Variants in SDC4 observed in about 807,000 individuals in gnomAD.
SDC4 encodes syndecan-4.
Under a neutral mutation model 20.5 loss-of-function variants are expected in SDC4, and 17 were observed. The ratio of observed to expected loss-of-function variants is 0.83; its 90% CI spans 0.57 to 1.25. SDC4 has a LOEUF of 1.25. Ranked by LOEUF, SDC4 falls within the 50% of genes most tolerant of loss-of-function variation. The pLI is 0.00. For missense variants in SDC4, 241 were observed against 252.3 expected (o/e 0.96, Z 0.30); for synonymous variants, 107 against 105.3 (o/e 1.02, Z -0.10).
intron 1 of SDC4, among the ~76,000 whole-genome samples, chr20:45,344,710 G>A (rs575227809): frequency 1.3e-5 from 2 of 152,240 alleles, no homozygotes; most frequent in South Asian, 4.1e-4. Flanking sequence ...TCTGAGACTG[G>A]GATTTGTTTA....
intron 1 of SDC4, among the ~76,000 whole-genome samples, chr20:45,346,286 C>T (rs570461106): frequency 1.3e-5 from 2 of 152,174 alleles, no homozygotes; most frequent in Admixed American, 1.3e-4. Context: ...AAGGGGAAGC[C>T]CTGTGCCCCA....
At chr20:45,347,231 C>T (rs6104124) in intron 1 of SDC4, among the ~76,000 whole-genome samples, 47,725 of 152,016 alleles carry the variant, frequency 0.31, 8,251 homozygotes, top group East Asian at 0.42. Flanking sequence ...TTCAGAGGAA[C>T]AGGAGCCCCA....
At chr20:45,337,779 T>A (rs1285041720) in intron 1 of SDC4, among the ~76,000 whole-genome samples, 3 of 152,186 alleles carry the variant, frequency 2.0e-5, no homozygotes, top group African/African-American at 7.2e-5. Flanking sequence ...GAATGCTGGA[T>A]TCCCGGAAGG....
intron 2 of SDC4, among the ~76,000 whole-genome samples, chr20:45,333,331 T>C (rs6065805): frequency 0.75 from 114,547 of 152,184 alleles, 43,249 homozygotes; most frequent in East Asian, 0.95. Flanking sequence ...CTGCAAAGTG[T>C]GGATCCAAAA....
chr20:45,327,353 A>T lies in SDC4; in HGVS notation c.508T>A (p.Tyr170Asn). Residue 170 changes from tyrosine (Y) to asparagine (N), a missense_variant, in exon 5 of 5, where the codon TAC (tyrosine) becomes AAC (asparagine). Transcript: ENST00000372733. ...FAVFLILLLM[Y>N]RMKKKDEGSY... ...CCTTCATCCTTCTTCTTCATACGGT[A>T]CATGAGCAGTAGGATCAGGAAGACG... 1 of 1,614,140 alleles carries T rather than the reference A, an allele frequency of 6.2e-7. No homozygotes were observed. The highest frequency in any genetic ancestry group is 2.2e-5 in the East Asian group (1 of 44,878).
chr20:45,343,462 C>G (rs1369061847), intron 1 of SDC4, among the ~76,000 whole-genome samples: 1 of 152,164 alleles, frequency 6.6e-6, no homozygotes, highest in African/African-American at 2.4e-5. Context: ...CTTGGCAAAC[C>G]CCCTGCCCCC....
chr20:45,331,169 C>A (rs1040421771), intron 3 of SDC4, among the ~76,000 whole-genome samples: 1 of 152,058 alleles, frequency 6.6e-6, no homozygotes, highest in Non-Finnish European at 1.5e-5. Context: ...AGGAGACTCC[C>A]GAATCAAAGG....
intron 1 of SDC4, among the ~76,000 whole-genome samples, chr20:45,338,551 G>A (rs1987908050): frequency 6.6e-6 from 1 of 152,208 alleles, no homozygotes; most frequent in South Asian, 2.1e-4. Flanking sequence ...CTCTCTTTCA[G>A]TATGTGAAAG....
At chr20:45,342,592 G>A (rs1362965673) in intron 1 of SDC4, among the ~76,000 whole-genome samples, 29 of 152,172 alleles carry the variant, frequency 1.9e-4, no homozygotes, top group African/African-American at 6.5e-4. Flanking sequence ...TGGAGGACAG[G>A]GGGAGGGGTG....
Position 45,346,211 on chromosome 20 carries a change from G to A in SDC4, c.60+2114C>T, listed in dbSNP as rs371414792. On this transcript the variant is annotated intron_variant, in intron 1 of 4. Transcript: ENST00000372733. ...ACACGCTGGATCATCTCTTCAGTCC[G>A]AGCCAACCGTGACTATGTCTGATTT... Among the ~76,000 whole-genome samples the A allele has an allele frequency of 2.9e-4, 44 of 152,252 alleles. 1 individual carries two copies. Among genetic ancestry groups the A allele is most frequent in the African/African-American group, 9.6e-4 (40 of 41,524 alleles).
At chr20:45,337,658 A>G (rs1021588264) in intron 1 of SDC4, among the ~76,000 whole-genome samples, 1 of 152,196 alleles carries the variant, frequency 6.6e-6, no homozygotes, top group African/African-American at 2.4e-5. Flanking sequence ...ATTGCAGGAG[A>G]GGCCCAGGAA....
chr20:45,328,442 A>G (rs2743368), intron 4 of SDC4, among the ~76,000 whole-genome samples: 2 of 152,196 alleles, frequency 1.3e-5, no homozygotes, highest in Non-Finnish European at 2.9e-5. Flanking sequence ...CATTAACTGT[A>G]AGGGTTTAAG....
rs368319870 is a variant in SDC4, at chr20:45,334,677, C to T, written c.199+1105G>A. On this transcript the variant is annotated intron_variant, in intron 2 of 4. Transcript: ENST00000372733. ...CTAATTTTTGTATTTTTAGTAGAGA[C>T]GGGGTTTCACCATGTTGGCCAGGCT... Among the ~76,000 whole-genome samples the T allele has an allele frequency of 3.3e-3, 501 of 151,868 alleles. 3 individuals are homozygous for T. The highest frequency in any genetic ancestry group is 6.2e-3 in the Non-Finnish European group (420 of 67,964).
intron 1 of SDC4, chr20:45,345,875 G>C (rs1988024509): frequency 6.6e-6 from 1 of 152,208 alleles, no homozygotes; most frequent in African/African-American, 2.4e-5. Context: ...TGGGTACTGA[G>C]CCTGGGTTCC....
intron 4 of SDC4, among the ~76,000 whole-genome samples, chr20:45,327,632 G>A (rs183618871): frequency 2.7e-4 from 41 of 152,320 alleles, no homozygotes; most frequent in African/African-American, 9.4e-4. Context: ...AGACCACAGG[G>A]CTAGTGGTAA....
intron 4 of SDC4, among the ~76,000 whole-genome samples, chr20:45,328,999 GT>G: frequency 6.6e-6 from 1 of 152,172 alleles, no homozygotes; most frequent in African/African-American, 2.4e-5. Flanking sequence ...GCTGACTGTG[GT>G]CCTCAGTCCA....
At position 45,327,556 on chromosome 20, in the gene SDC4, C is replaced by T. The variant is rs555360060; in HGVS notation, c.446-141G>A. ...ACTGCCTGTGCCAGGCAAGCTGATG[C>T]CTTATTTAAGTTGACCTCATGACCC... is the stretch of plus-strand genomic sequence containing the variant. On this transcript the variant is annotated intron_variant, in intron 4 of 4. Transcript: ENST00000372733. 233 of 941,296 alleles carry T rather than the reference C, an allele frequency of 2.5e-4. 1 individual carries two copies. In the South Asian group the frequency reaches 2.7e-3, roughly 11 times the overall value. The allele number at this position is 941,296 out of a possible 1,614,324, so 58.3% of individuals were successfully genotyped here.
chr20:45,345,637 T>C (rs979588434), intron 1 of SDC4: 3 of 152,232 alleles, frequency 2.0e-5, no homozygotes, highest in Admixed American at 2.0e-4. Flanking sequence ...GTACACTTGA[T>C]AGGTGATAGG....
At chr20:45,347,912 C>G (rs1009365270) in intron 1 of SDC4, among the ~76,000 whole-genome samples, 1 of 152,112 alleles carries the variant, frequency 6.6e-6, no homozygotes, top group Non-Finnish European at 1.5e-5. Context: ...CGCAGCCCCC[C>G]GACCCCCAGG....
Sources: gnomAD v4.1 joint callset for allele counts (sites outside exome capture counted in the v4.1 genomes callset) on GRCh38, gnomAD v4.1.1 for gene constraint, MANE v1.5 for transcripts, NCBI Gene and HGNC (gene_info 2026-07-23, HGNC 2026-07-21) for gene names.